NF1: variants seen among roughly 807,000 people sequenced by gnomAD.
NF1 encodes the protein neurofibromin.
A neutral mutation model predicts 325.7 loss-of-function variants in NF1; 122 were observed. The ratio of observed to expected loss-of-function variants is 0.37; its 90% CI spans 0.32 to 0.44. NF1 has a LOEUF of 0.44. Ranked by LOEUF, NF1 falls within the 20% of genes least tolerant of loss-of-function variation. The pLI, the probability that NF1 is intolerant of heterozygous loss-of-function variation, is 1.00. For synonymous variants in NF1, 1,091 were observed against 1,186.0 expected, an observed-to-expected ratio of 0.92 and a Z score of 1.65; for missense variants, 2,140 against 3,415.4, an observed-to-expected ratio of 0.63 and a Z score of 9.31.
intron 35 of NF1, among the ~76,000 whole-genome samples, chr17:31,263,237 T>G (rs12948302): frequency 0.54 from 81,840 of 151,900 alleles, 25,632 homozygotes; most frequent in Middle Eastern, 0.75. Flanking sequence ...GCCCAGGAGT[T>G]TGAGACCACC....
At position 31,261,964 on chromosome 17, in the gene NF1, A is replaced by G. The variant is rs2067694132; in HGVS notation, c.4724+107A>G. 48 of 1,093,844 alleles carry G rather than the reference A, an allele frequency of 4.4e-5. 2 individuals carry two copies. In the Middle Eastern group the frequency reaches 8.8e-4, roughly 20 times the overall value. The allele number at this position is 1,093,844 out of a possible 1,614,324, so 67.8% of individuals were successfully genotyped here. A position where few individuals can be genotyped will look rare whatever the true frequency, so the allele number is the denominator to read the frequency against. On this transcript the variant is annotated intron_variant, in intron 35 of 57. Transcript: ENST00000358273. ...GATAGAAGACTATGAGGAAAGATGTATTTAATAATCACATTGCCATGTTTG... is the reference window on the plus strand; with the variant it reads ...GATAGAAGACTATGAGGAAAGATGTGTTTAATAATCACATTGCCATGTTTG...
intron 1 of NF1, among the ~76,000 whole-genome samples, chr17:31,116,938 A>T (rs17878817): frequency 1.3e-5 from 2 of 151,060 alleles, no homozygotes; most frequent in Admixed American, 1.3e-4. Context: ...CGGCCTCCCA[A>T]AGTGCTAGGG....
chr17:31,366,811 A>G (rs1297328393), intron 57 of NF1, among the ~76,000 whole-genome samples: 1 of 152,142 alleles, frequency 6.6e-6, no homozygotes, highest in Non-Finnish European at 1.5e-5. Context: ...AAATGATTTT[A>G]ATGTTTTAGA....
intron 1 of NF1, among the ~76,000 whole-genome samples, chr17:31,125,461 A>G (rs1567800806): frequency 6.6e-6 from 1 of 151,962 alleles, no homozygotes; most frequent in Non-Finnish European, 1.5e-5. Flanking sequence ...TGGGAGCAGA[A>G]TTTTTCATTT....
chr17:31,170,997 C>T (rs1418014559), intron 5 of NF1, among the ~76,000 whole-genome samples: 1 of 152,098 alleles, frequency 6.6e-6, no homozygotes. Context: ...ATATTAGCTT[C>T]AGAAACATCA....
chr17:31,359,180 A>C (rs566028973), intron 56 of NF1, 165 bp downstream of exon 56: 1 of 624,116 alleles, frequency 1.6e-6, no homozygotes, highest in South Asian at 1.9e-5. Context: ...GTTTTTTTCC[A>C]GGAGGCAGCA....
chr17:31,279,582 G>A lies in NF1; in HGVS notation c.4835+14243G>A, dbSNP rs140891813. On this transcript the variant is annotated intron_variant, in intron 36 of 57. Transcript: ENST00000358273. The stretch of plus-strand genomic sequence containing the variant: ...GTCTGGGCAACAAAGGAGAATTCCA[G>A]CCTCTTTAAAAAAAAAAAAAAAAGG... Among the ~76,000 whole-genome samples the A allele has an allele frequency of 5.5e-4, 81 of 148,390 alleles. 1 individual carries two copies. In the East Asian group the frequency reaches 0.014, roughly 26 times the overall value.
At chr17:31,169,372 C>T (rs2065896186) in intron 4 of NF1, among the ~76,000 whole-genome samples, 1 of 152,118 alleles carries the variant, frequency 6.6e-6, no homozygotes, top group African/African-American at 2.4e-5. Context: ...TACGATGCTA[C>T]GTTTACTGAA....
chr17:31,335,023 C>G lies in NF1; in HGVS notation c.5998C>G (p.Leu2000Val), dbSNP rs1555534429. ...TATTCAAGCAAAAATATGGGGAAGC[C>G]TTGGGCAGGTATTGAGTTTGCTCAA... ...PSIQAKIWGS[L>V]GQITDLLDVV... Residue 2000 changes from leucine (L) to valine (V), a missense_variant, in exon 40 of 58, where the codon CTT becomes GTT. Leu to Val is a conservative substitution (Grantham distance 32). Around this residue, in one of 10 missense-constraint regions of NF1, gnomAD observed 180 missense variants for 435.1 expected, o/e 0.41. Transcript: ENST00000358273. The G allele has an allele frequency of 6.2e-7, 1 of 1,611,034 alleles. No homozygotes were observed.
At position 31,225,123 on chromosome 17, in the gene NF1, T is replaced by A; in HGVS notation, c.1874T>A (p.Leu625His). 3 of 1,613,750 alleles carry A rather than the reference T, an allele frequency of 1.9e-6. No homozygotes were observed. The highest frequency in any genetic ancestry group is 2.5e-6 in the Non-Finnish European group (3 of 1,179,740). The change falls in exon 17 of 58, where the codon CTC (leucine) becomes CAC (histidine). Residue 625 changes from leucine to histidine, a missense_variant. Leu to His is a moderately conservative substitution (Grantham distance 99). This residue lies in a region of NF1 where 45 missense variants were observed against 42.5 expected (regional missense o/e 1.06). Coordinates refer to ENST00000358273, the MANE Select transcript of NF1 (RefSeq NM_001042492.3). ...GCAGATAGAAGTTCCTGTCACTTTC[T>A]CCTTTTTTACGGGGTAGGATGTGAT... ...KQADRSSCHF[L>H]LFYGVGCDIP...
chr17:31,197,821 G>A (rs1277184172), intron 8 of NF1, among the ~76,000 whole-genome samples: 1 of 152,090 alleles, frequency 6.6e-6, no homozygotes. Context: ...GCTCTGTCCG[G>A]AATTTCTAGT....
At chr17:31,225,291 T>C (rs1297864236) in intron 17 of NF1, 41 bp downstream of exon 17, 19 of 1,605,558 alleles carry the variant, frequency 1.2e-5, no homozygotes, top group Non-Finnish European at 1.5e-5. Context: ...TTTTATGTGC[T>C]CTGTTTGTTT....
chr17:31,146,502 G>A (rs370757340), intron 1 of NF1, among the ~76,000 whole-genome samples: 28 of 152,118 alleles, frequency 1.8e-4, no homozygotes, highest in African/African-American at 6.5e-4. Flanking sequence ...ATAAATGGGC[G>A]ATAATCAAGT....
intron 1 of NF1, chr17:31,133,439 A>G (rs1270541570): frequency 1.3e-5 from 2 of 152,242 alleles, no homozygotes; most frequent in Non-Finnish European, 2.9e-5. Context: ...GCTGCCATGA[A>G]CATGGGTGTG....
In NF1 at chr17:31,260,433, A is replaced by G. The variant is rs764654925; in HGVS notation, c.4495A>G (p.Ile1499Val). Residue 1499 changes from isoleucine (I) to valine (V), a missense_variant, in exon 34 of 58, where the codon ATA (isoleucine) becomes GTA (valine). Transcript: ENST00000358273. ...SDAVNHSLSF[I>V]SDGNVLALHR... ...TGCAGTAAATCATAGTCTTTCCTTC[A>G]TAAGTGACGGCAATGTGCTTGCTTT... The G allele has an allele frequency of 7.4e-6, 12 of 1,614,042 alleles. No individual in the cohort carries two copies. Among genetic ancestry groups the G allele is most frequent in the South Asian group, 1.1e-5 (1 of 91,084 alleles).
chr17:31,297,407 T>C (rs528797144), intron 36 of NF1: 4 of 152,172 alleles, frequency 2.6e-5, no homozygotes, highest in African/African-American at 9.7e-5. Flanking sequence ...TTTTAAAAAA[T>C]TTGTGGCATC....
At chr17:31,182,687 C>T (rs750096558) in intron 8 of NF1, 22 bp downstream of exon 8, 21 of 1,605,344 alleles carry the variant, frequency 1.3e-5, no homozygotes, top group Non-Finnish European at 1.8e-5. Flanking sequence ...AAAATTATTT[C>T]CATTATATCT....
At chr17:31,245,862 T>G (rs2067380920) in intron 29 of NF1, among the ~76,000 whole-genome samples, 1 of 152,174 alleles carries the variant, frequency 6.6e-6, no homozygotes, top group Admixed American at 6.5e-5. Context: ...CTCTCTCCTC[T>G]CCTTGGAGGT....
At chr17:31,220,766 T>C (rs1189454973) in intron 14 of NF1, among the ~76,000 whole-genome samples, 1 of 152,192 alleles carries the variant, frequency 6.6e-6, no homozygotes, top group Non-Finnish European at 1.5e-5. Context: ...ACACATTTTC[T>C]TTCAATATGT....
Sources: allele counts gnomAD v4.1 joint callset (sites outside exome capture counted in the v4.1 genomes callset), GRCh38; gene constraint gnomAD v4.1.1; regional missense constraint gnomAD v4.1.1; transcripts MANE v1.5; gene names NCBI Gene and HGNC (gene_info 2026-07-23, HGNC 2026-07-21).